The following DNAI2 variants were observed in gnomAD, a reference collection of about 807,000 sequenced individuals.
The protein encoded by DNAI2 is dynein axonemal intermediate chain 2, also known as dynein, axonemal, intermediate polypeptide 2.
In DNAI2, 63 loss-of-function variants were observed where a neutral mutation model predicts 74.7. The ratio of observed to expected loss-of-function variants is 0.84; its 90% confidence interval spans 0.69 to 1.04. The LOEUF (loss-of-function observed/expected upper bound fraction) is 1.04, where lower values mean the gene tolerates loss of function less well. DNAI2 is among the 50% of genes least tolerant of loss of function. The pLI, the probability that DNAI2 is intolerant of heterozygous loss-of-function variation, is 0.00. For missense variants in DNAI2, 688 were observed against 803.2 expected, an observed-to-expected ratio of 0.86 and a Z score of 1.73; for synonymous variants, 289 against 314.9, an observed-to-expected ratio of 0.92 and a Z score of 0.87.
intron 2 of DNAI2, among the ~76,000 whole-genome samples, chr17:74,284,126 G>C (rs1205048607): frequency 2.5e-5 from 3 of 122,444 alleles, no homozygotes; most frequent in East Asian, 5.1e-4. Context: ...CAACAAGAGC[G>C]AAACTCCTTT....
rs552956633 is a variant in DNAI2, at chr17:74,291,170, AT to A, written c.724+45del. 83 of 1,512,520 alleles carry A rather than the reference AT, an allele frequency of 5.5e-5. No homozygotes were observed. In the East Asian group the frequency reaches 6.1e-4, roughly 11 times the overall value. The allele number at this position is 1,512,520 out of a possible 1,614,324, so 93.7% of individuals were successfully genotyped here. A position where few individuals can be genotyped will look rare whatever the true frequency, so the allele number is the denominator to read the frequency against. ...CCTAGGCTTTTTTATTTTTATTTTT[AT>A]TTTTTTTAGATGGAATTTTGCTCTT... is the stretch of plus-strand genomic sequence containing the variant. On this transcript the variant is annotated intron_variant, in intron 6 of 13. Transcript: ENST00000311014.
intron 4 of DNAI2, 126 bp from the exon 5 acceptor site, chr17:74,289,468 A>AGT: frequency 8.2e-7 from 1 of 1,221,596 alleles, no homozygotes; most frequent in South Asian, 1.4e-5. Flanking sequence ...CAGAGGTTGC[A>AGT]GTGAGCCGAG....
chr17:74,285,919 G>T (rs2051692549), intron 3 of DNAI2, among the ~76,000 whole-genome samples: 1 of 151,136 alleles, frequency 6.6e-6, no homozygotes, highest in Non-Finnish European at 1.5e-5. Context: ...TGTCTGCAAG[G>T]ACAGGAAGAA....
intron 8 of DNAI2, among the ~76,000 whole-genome samples, chr17:74,304,108 C>T (rs902858418): frequency 6.6e-6 from 1 of 151,720 alleles, no homozygotes; most frequent in African/African-American, 2.4e-5. Flanking sequence ...GGCAATGGAG[C>T]CAGAACCTGT....
chr17:74,275,423 G>A (rs910074661), intron 1 of DNAI2, among the ~76,000 whole-genome samples: 1 of 152,116 alleles, frequency 6.6e-6, no homozygotes, highest in African/African-American at 2.4e-5. Context: ...AGGTGCACAA[G>A]GACATAAGAA....
At chr17:74,280,265 C>A (rs752885121) in intron 1 of DNAI2, among the ~76,000 whole-genome samples, 2 of 152,180 alleles carry the variant, frequency 1.3e-5, no homozygotes, top group Non-Finnish European at 2.9e-5. Context: ...CTGTGAACCC[C>A]GCCTCTGATG....
intron 6 of DNAI2, among the ~76,000 whole-genome samples, chr17:74,296,346 G>GGAGAGAGAGAGA (rs1555611113): frequency 2.5e-4 from 21 of 83,328 alleles, no homozygotes; most frequent in Non-Finnish European, 6.2e-4. Flanking sequence ...GAGAGAGAGA[G>GGAGAGAGAGAGA]GAGAGAGAGA....
intron 3 of DNAI2, 83 bp from the exon 4 acceptor site, chr17:74,286,894 T>A: frequency 6.3e-7 from 1 of 1,589,146 alleles, no homozygotes; most frequent in South Asian, 1.1e-5. Flanking sequence ...CTATGTCCTG[T>A]CCCTCCCAGA....
intron 2 of DNAI2, among the ~76,000 whole-genome samples, chr17:74,284,707 C>T (rs552045557): frequency 1.4e-4 from 21 of 152,266 alleles, no homozygotes; most frequent in South Asian, 1.2e-3. Context: ...CCACTGCACC[C>T]GGCCAATTAT....
rs537948326 is a variant in DNAI2 at position 74,304,537 on chromosome 17, G to A, written c.988-682G>A. ...GATGGAGGGGGTCATGCTCAGAGACGCGAGGGGAGCACTGGACCAGGAGTC... is the reference window on the plus strand; with the variant it reads ...GATGGAGGGGGTCATGCTCAGAGACACGAGGGGAGCACTGGACCAGGAGTC... On this transcript the variant is annotated intron_variant, in intron 8 of 13. Coordinates refer to ENST00000311014, the MANE Select transcript of DNAI2 (RefSeq NM_023036.6). Among the ~76,000 whole-genome samples, 13 of 152,272 alleles carry A rather than the reference G, an allele frequency of 8.5e-5. 1 individual carries two copies. The East Asian group carries it at 1.5e-3, about 18-fold the overall frequency.
intron 6 of DNAI2, 146 bp downstream of exon 6, chr17:74,291,279 G>A (rs1309275049): frequency 1.1e-5 from 7 of 660,456 alleles, no homozygotes; most frequent in Non-Finnish European, 1.6e-5. Context: ...TCCTGCCTCA[G>A]CCTCCCGAGT....
At chr17:74,280,754 A>G (rs1338317027) in intron 1 of DNAI2, among the ~76,000 whole-genome samples, 2 of 152,056 alleles carry the variant, frequency 1.3e-5, no homozygotes, top group African/African-American at 4.8e-5. Flanking sequence ...ATCACCATCA[A>G]TATTTCCTCC....
At chr17:74,292,956 A>G (rs759758608) in intron 6 of DNAI2, among the ~76,000 whole-genome samples, 4 of 151,528 alleles carry the variant, frequency 2.6e-5, no homozygotes, top group Non-Finnish European at 5.9e-5. Context: ...CAGCCTTCCG[A>G]GTAGCTGGGA....
rs777662498 is a variant in DNAI2 at position 74,281,887 on chromosome 17, C to A, written c.70C>A (p.Gln24Lys). 2.1e-5 allele frequency: 34 copies of A among 1,614,054 alleles called. No individual in the cohort carries two copies. The Admixed American group carries it at 5.7e-4, about 27-fold the overall frequency. Reference protein sequence around the residue: ...FGKQCNFSDRQAELNIDIMPN... With the variant: ...FGKQCNFSDRKAELNIDIMPN... Reference sequence around the variant, plus strand: ...GAAGCAGTGCAATTTCTCGGACCGCCAGGCCGAGCTGAACATCGACATCAT... The same window carrying A: ...GAAGCAGTGCAATTTCTCGGACCGCAAGGCCGAGCTGAACATCGACATCAT... Residue 24 changes from glutamine to lysine, a missense_variant, in exon 2 of 14, where the codon CAG becomes AAG. By Grantham distance (53) the Gln-to-Lys change is moderately conservative. Coordinates refer to ENST00000311014, the MANE Select transcript of DNAI2 (RefSeq NM_023036.6).
At chr17:74,306,334 C>G (rs75465040) in intron 9 of DNAI2, among the ~76,000 whole-genome samples, 11 of 152,190 alleles carry the variant, frequency 7.2e-5, no homozygotes, top group African/African-American at 7.2e-5. Context: ...CTAAAAGTGC[C>G]CTTTCTCCTC....
At chr17:74,311,443 G>A (rs754840643) in intron 11 of DNAI2, among the ~76,000 whole-genome samples, 7 of 152,082 alleles carry the variant, frequency 4.6e-5, no homozygotes, top group African/African-American at 1.7e-4. Context: ...AAGAAACCTC[G>A]TCTCTACTAA....
chr17:74,314,110 T>C lies in DNAI2; in HGVS notation c.1723-11T>C. On this transcript the variant is annotated splice_polypyrimidine_tract_variant and intron_variant, in intron 12 of 13. Coordinates refer to ENST00000311014, the MANE Select transcript of DNAI2 (RefSeq NM_023036.6). ...CCAACACCAACACTTCTGTGCTGTC[T>C]TCCCCTGCAGCAGCAACCAAGTCCA... 1.2e-6 allele frequency: 2 copies of C among 1,613,618 alleles called. No homozygotes were observed. Among genetic ancestry groups the C allele is most frequent in the Non-Finnish European group, 1.7e-6 (2 of 1,179,690 alleles).
chr17:74,281,467 A>G (rs2051382653), intron 1 of DNAI2: 2 of 512,998 alleles, frequency 3.9e-6, no homozygotes, highest in East Asian at 6.1e-5. Context: ...CATGTTGGCC[A>G]GGCTGGTCTT....
At chr17:74,298,259 T>C (rs953670798) in intron 6 of DNAI2, among the ~76,000 whole-genome samples, 2 of 152,258 alleles carry the variant, frequency 1.3e-5, no homozygotes, top group African/African-American at 4.8e-5. Flanking sequence ...TCTTGAGCAC[T>C]GCTTTGCCAA....
Sources: allele counts gnomAD v4.1 joint callset (sites outside exome capture counted in the v4.1 genomes callset), GRCh38; gene constraint gnomAD v4.1.1; transcripts MANE v1.5; gene names NCBI Gene and HGNC (gene_info 2026-07-23, HGNC 2026-07-21).